PPM1L: variants seen among roughly 807,000 people sequenced by gnomAD.
The protein encoded by PPM1L is protein phosphatase, Mg2+/Mn2+ dependent 1L.
In PPM1L, 13 loss-of-function variants were observed where a neutral mutation model predicts 31.4. The observed-to-expected ratio is 0.41, with a 90% CI of 0.27 to 0.66. The LOEUF (loss-of-function observed/expected upper bound fraction) is 0.66, where lower values mean the gene tolerates loss of function less well. PPM1L is among the 30% of genes least tolerant of loss of function. The pLI, the probability that PPM1L is intolerant of heterozygous loss-of-function variation, is 0.29. For synonymous variants in PPM1L, 184 were observed against 175.4 expected (o/e 1.05, Z -0.39); for missense variants, 326 against 453.7 (o/e 0.72, Z 2.56).
chr3:160,944,768 ATGTTATATATTATAT>A lies in PPM1L; in HGVS notation c.400-16966_400-16952del, dbSNP rs1308531963. Among the ~76,000 whole-genome samples the A allele has an allele frequency of 4.8e-4, 23 of 47,804 alleles. 7 individuals carry two copies. The highest frequency in any genetic ancestry group is 1.4e-3 in the Non-Finnish European group (21 of 15,224). 31.4% of individuals were successfully genotyped at this position (47,804 alleles called of 152,430 possible). A position where few individuals can be genotyped will look rare whatever the true frequency, so the allele number is the denominator to read the frequency against. ...ATATAATATATATGTTATATATAAC[ATGTTATATATTATAT>A]TATATATGTTATATATAACATATAT... is the stretch of plus-strand genomic sequence containing the variant. On this transcript the variant is annotated intron_variant, in intron 1 of 3. Transcript: ENST00000498165.
intron 1 of PPM1L, among the ~76,000 whole-genome samples, chr3:160,852,014 T>A (rs771626492): frequency 6.6e-6 from 1 of 152,232 alleles, no homozygotes; most frequent in Non-Finnish European, 1.5e-5. Flanking sequence ...GTTTTATACA[T>A]AATCATTTTC....
chr3:160,941,557 T>C (rs1715163480), intron 1 of PPM1L, among the ~76,000 whole-genome samples: 1 of 152,154 alleles, frequency 6.6e-6, no homozygotes, highest in Non-Finnish European at 1.5e-5. Context: ...TGCTTTTGCT[T>C]CTTCCTCATT....
At chr3:160,920,166 C>T (rs868008325) in intron 1 of PPM1L, among the ~76,000 whole-genome samples, 9 of 152,298 alleles carry the variant, frequency 5.9e-5, no homozygotes, top group Middle Eastern at 3.4e-3. Flanking sequence ...TCTCTGCAGG[C>T]GGGCTCCAGA....
At position 160,975,317 on chromosome 3, in the gene PPM1L, G is replaced by A. The variant is rs532123087; in HGVS notation, c.574+13407G>A. Reference sequence around the variant, plus strand: ...GAAGTCAGGTAGTGTGATGCCTCCAGCTTTGTTCTTTTGGCTTAGGATTGA... The same window carrying A: ...GAAGTCAGGTAGTGTGATGCCTCCAACTTTGTTCTTTTGGCTTAGGATTGA... On this transcript the variant is annotated intron_variant, in intron 2 of 3. Coordinates refer to ENST00000498165, the MANE Select transcript of PPM1L (RefSeq NM_139245.4). Among the ~76,000 whole-genome samples, 934 of 151,660 alleles carry A rather than the reference G, an allele frequency of 6.2e-3. 14 individuals are homozygous for A. Among genetic ancestry groups the A allele is most frequent in the African/African-American group, 0.022 (892 of 41,402 alleles).
At chr3:160,928,578 T>C (rs1714677682) in intron 1 of PPM1L, among the ~76,000 whole-genome samples, 1 of 152,160 alleles carries the variant, frequency 6.6e-6, no homozygotes, top group Non-Finnish European at 1.5e-5. Context: ...AGTGCTATGT[T>C]TGAATATTTA....
At chr3:161,060,362 T>C (rs1035758988) in intron 2 of PPM1L, among the ~76,000 whole-genome samples, 1 of 151,696 alleles carries the variant, frequency 6.6e-6, no homozygotes, top group African/African-American at 2.4e-5. Flanking sequence ...AGGAAGGGAG[T>C]GGTGTGACAT....
chr3:161,026,952 G>A (rs1156397955), intron 2 of PPM1L, among the ~76,000 whole-genome samples: 1 of 152,160 alleles, frequency 6.6e-6, no homozygotes, highest in Non-Finnish European at 1.5e-5. Flanking sequence ...CCAGAGATGA[G>A]GGCTGGAATC....
chr3:161,005,661 T>C (rs544731917), intron 2 of PPM1L, among the ~76,000 whole-genome samples: 2 of 152,350 alleles, frequency 1.3e-5, no homozygotes, highest in South Asian at 4.1e-4. Flanking sequence ...AACAGTGGTA[T>C]ATACTTTATG....
rs1256873284 is a variant in PPM1L at position 161,076,205 on chromosome 3, G to GA, written c.*7053dup. Reference sequence around the variant, plus strand: ...GATGTATTAGACATCTCTAACCCAAGAAAAAGATGTCTTTTGTATAACTTT... The same window carrying GA: ...GATGTATTAGACATCTCTAACCCAAGAAAAAAGATGTCTTTTGTATAACTTT... On this transcript the variant is annotated 3_prime_UTR_variant, in exon 4 of 4. Coordinates refer to ENST00000498165, the MANE Select transcript of PPM1L (RefSeq NM_139245.4). 1.3e-5 allele frequency: 2 copies of GA among 152,106 alleles called. No homozygotes were observed. The highest frequency in any genetic ancestry group is 2.9e-5 in the Non-Finnish European group (2 of 68,002). 9.4% of individuals were successfully genotyped at this position (152,106 alleles called of 1,614,324 possible). A position where few individuals can be genotyped will look rare whatever the true frequency, so the allele number is the denominator to read the frequency against.
chr3:160,765,846 C>T (rs1283737659), intron 1 of PPM1L, among the ~76,000 whole-genome samples: 1 of 151,982 alleles, frequency 6.6e-6, no homozygotes, highest in Non-Finnish European at 1.5e-5. Flanking sequence ...AGGATCAAAA[C>T]AGTTTCCTAT....
chr3:161,045,895 AG>A (rs1719046777), intron 2 of PPM1L, among the ~76,000 whole-genome samples: 1 of 151,584 alleles, frequency 6.6e-6, no homozygotes, highest in Admixed American at 6.6e-5. Context: ...GTGGATCACG[AG>A]GTCAGGAGAT....
At chr3:160,810,132 G>A (rs1202988799) in intron 1 of PPM1L, among the ~76,000 whole-genome samples, 1 of 151,840 alleles carries the variant, frequency 6.6e-6, no homozygotes, top group Non-Finnish European at 1.5e-5. Context: ...ATACAGGAAA[G>A]CATTTCCTTG....
chr3:161,039,400 AC>A (rs1559933545), intron 2 of PPM1L, among the ~76,000 whole-genome samples: 1 of 152,178 alleles, frequency 6.6e-6, no homozygotes, highest in African/African-American at 2.4e-5. Context: ...AAGTAAGGTG[AC>A]TGAATGGGGA....
chr3:160,897,187 C>T (rs1184634341), intron 1 of PPM1L, among the ~76,000 whole-genome samples: 1 of 151,970 alleles, frequency 6.6e-6, no homozygotes, highest in South Asian at 2.1e-4. Flanking sequence ...GGATTACAGG[C>T]GCCTGCCACC....
In PPM1L at chr3:161,046,403, C is replaced by T. The variant is rs1377456900; in HGVS notation, c.575-19000C>T. On this transcript the variant is annotated intron_variant, in intron 2 of 3. Coordinates refer to ENST00000498165, the MANE Select transcript of PPM1L (RefSeq NM_139245.4). ...GACTAAACCAGGAAGAAGTTGAATC[C>T]CTGAATAGACCAATAACAGGCTCTG... is the stretch of plus-strand genomic sequence containing the variant. Among the ~76,000 whole-genome samples the T allele has an allele frequency of 4.6e-5, 7 of 151,826 alleles. No homozygotes were observed. In the South Asian group the frequency reaches 1.2e-3, roughly 27 times the overall value.
At chr3:160,953,424 G>A (rs6441344) in intron 1 of PPM1L, among the ~76,000 whole-genome samples, 121,585 of 152,120 alleles carry the variant, frequency 0.8, 49,595 homozygotes, top group Middle Eastern at 0.91. Context: ...ATGTGATGAG[G>A]CATATTTTCA....
At chr3:160,766,987 G>C (rs150706240) in intron 1 of PPM1L, among the ~76,000 whole-genome samples, 2 of 149,346 alleles carry the variant, frequency 1.3e-5, no homozygotes, top group Admixed American at 1.3e-4. Context: ...GATGTACACC[G>C]TACAGTGTTA....
chr3:161,058,116 TC>T, intron 2 of PPM1L, among the ~76,000 whole-genome samples: 3 of 110,524 alleles, frequency 2.7e-5, no homozygotes, highest in Admixed American at 2.3e-4. Flanking sequence ...TCATTTTCTT[TC>T]CTTTTTTTTT....
chr3:161,004,820 T>G (rs2108056366), intron 2 of PPM1L, among the ~76,000 whole-genome samples: 1 of 152,150 alleles, frequency 6.6e-6, no homozygotes, highest in South Asian at 2.1e-4. Flanking sequence ...TTTTGAAGGG[T>G]TTTTTGTATC....
Sources: gnomAD v4.1 joint callset for allele counts (sites outside exome capture counted in the v4.1 genomes callset) on GRCh38, gnomAD v4.1.1 for gene constraint, MANE v1.5 for transcripts, NCBI Gene and HGNC (gene_info 2026-07-23, HGNC 2026-07-21) for gene names.